Variants in CALN1 observed in about 807,000 individuals in gnomAD.
CALN1 encodes the protein calcium-binding protein 8.
CALN1 carries 17 observed loss-of-function variants against 30.6 expected under a neutral mutation model. That is an observed-to-expected ratio of 0.56 (90% CI 0.38 to 0.83). The LOEUF (loss-of-function observed/expected upper bound fraction) is 0.83. CALN1 is among the 40% of genes least tolerant of loss of function. CALN1 has a pLI of 0.00. For synonymous variants in CALN1, 156 were observed against 131.4 expected, an observed-to-expected ratio of 1.19 and a Z score of -1.28; for missense variants, 291 against 354.9, an observed-to-expected ratio of 0.82 and a Z score of 1.45.
intron 3 of CALN1, among the ~76,000 whole-genome samples, chr7:72,184,454 A>G (rs534004648): frequency 2.0e-4 from 30 of 152,348 alleles, no homozygotes; most frequent in African/African-American, 6.7e-4. Flanking sequence ...TTTTATGTGT[A>G]TAATTTATGA....
chr7:72,194,232 A>G (rs1214895346), intron 3 of CALN1, among the ~76,000 whole-genome samples: 6 of 152,216 alleles, frequency 3.9e-5, no homozygotes, highest in African/African-American at 1.4e-4. Context: ...TATGCCATTA[A>G]CCAAGGCTAA....
chr7:72,267,135 ACCT>A (rs1209425195), intron 3 of CALN1, among the ~76,000 whole-genome samples: 4 of 152,162 alleles, frequency 2.6e-5, no homozygotes, highest in African/African-American at 9.6e-5. Flanking sequence ...CCTCCTTCAA[ACCT>A]CCTCTTAGAA....
intron 5 of CALN1, among the ~76,000 whole-genome samples, chr7:71,979,524 C>A (rs1382846402): frequency 6.6e-6 from 1 of 152,094 alleles, no homozygotes; most frequent in Non-Finnish European, 1.5e-5. Flanking sequence ...GCTGATCTGG[C>A]AGGAGGCAGA....
chr7:72,214,639 T>C (rs763122030), intron 3 of CALN1, among the ~76,000 whole-genome samples: 9 of 151,290 alleles, frequency 5.9e-5, no homozygotes, highest in Non-Finnish European at 8.8e-5. Context: ...AAAAAATAGG[T>C]CTTCTACAAT....
intron 3 of CALN1, among the ~76,000 whole-genome samples, chr7:72,213,518 G>T (rs1207578179): frequency 1.3e-5 from 2 of 152,184 alleles, no homozygotes; most frequent in African/African-American, 4.8e-5. Flanking sequence ...TTGGATTTCG[G>T]TGAGGGATGC....
rs540919904 is a variant in CALN1 at position 72,325,819 on chromosome 7, C to T, written c.120-47009G>A. ...AAGGGAACGGATTGATGGCAACCCA[C>T]AAAACAGGCTTGAAAATGCAATAAC... is the stretch of plus-strand genomic sequence containing the variant. On this transcript the variant is annotated intron_variant, in intron 2 of 6. Transcript: ENST00000395275. Among the ~76,000 whole-genome samples the T allele has an allele frequency of 1.8e-4, 27 of 152,206 alleles. No homozygotes were observed. The East Asian group carries it at 5.2e-3, about 29-fold the overall frequency.
At chr7:72,047,722 A>G (rs1452531480) in intron 4 of CALN1, among the ~76,000 whole-genome samples, 3 of 152,202 alleles carry the variant, frequency 2.0e-5, no homozygotes, top group East Asian at 3.9e-4. Flanking sequence ...AACTCATGTC[A>G]ATAAATATTT....
intron 5 of CALN1, among the ~76,000 whole-genome samples, chr7:72,021,809 G>A (rs1800724623): frequency 6.6e-6 from 1 of 152,128 alleles, no homozygotes; most frequent in Non-Finnish European, 1.5e-5. Context: ...GATTTCAGCT[G>A]TGCATAGACT....
At chr7:71,891,809 TGGCTC>T (rs752107619) in intron 5 of CALN1, among the ~76,000 whole-genome samples, 282 of 152,300 alleles carry the variant, frequency 1.9e-3, no homozygotes, top group Non-Finnish European at 2.8e-3. Context: ...CTGGGCATGG[TGGCTC>T]ACGCCTGTAA....
Position 72,271,575 on chromosome 7 carries a change from A to AAAAAAAAAAAAAAATATATATATAT in CALN1, c.244+7110_244+7111insATATATATATATTTTTTTTTTTTTT. 3.2e-3 allele frequency among the ~76,000 whole-genome samples: 165 copies of AAAAAAAAAAAAAAATATATATATAT among 52,044 alleles called. 11 individuals are homozygous for AAAAAAAAAAAAAAATATATATATAT. Among genetic ancestry groups the AAAAAAAAAAAAAAATATATATATAT allele is most frequent in the African/African-American group, 0.018 (132 of 7,392 alleles). 34.1% of individuals were successfully genotyped at this position (52,044 alleles called of 152,430 possible). On this transcript the variant is annotated intron_variant, in intron 3 of 6. Coordinates refer to ENST00000395275, the MANE Select transcript of CALN1 (RefSeq NM_031468.4). ...CTGTGCCTGCCTTTTAAAAAAAAAA[A>AAAAAAAAAAAAAAATATATATATAT]ATATATATATATATATATAGTTTTC...
intron 3 of CALN1, among the ~76,000 whole-genome samples, chr7:72,220,559 G>A (rs1257734259): frequency 2.6e-5 from 4 of 152,144 alleles, no homozygotes; most frequent in Non-Finnish European, 5.9e-5. Flanking sequence ...TATATACCCA[G>A]TAATGGGATG....
intron 4 of CALN1, among the ~76,000 whole-genome samples, chr7:72,080,154 A>G (rs1227971845): frequency 6.6e-6 from 1 of 152,160 alleles, no homozygotes; most frequent in Non-Finnish European, 1.5e-5. Flanking sequence ...AACATGTCCT[A>G]TGAAATGCCA....
intron 3 of CALN1, among the ~76,000 whole-genome samples, chr7:72,124,565 T>C (rs531281519): frequency 2.6e-5 from 4 of 151,940 alleles, no homozygotes; most frequent in East Asian, 3.9e-4. Flanking sequence ...AGTGGGAGGA[T>C]TGCTTAAGCC....
chr7:71,993,307 T>TCACTTA (rs1219028660), intron 5 of CALN1, among the ~76,000 whole-genome samples: 6 of 152,118 alleles, frequency 3.9e-5, no homozygotes, highest in Non-Finnish European at 5.9e-5. Context: ...AAGTAAGTGC[T>TCACTTA]CACTTATTAT....
At chr7:72,339,922 G>C (rs1166454237) in intron 2 of CALN1, among the ~76,000 whole-genome samples, 3 of 152,208 alleles carry the variant, frequency 2.0e-5, no homozygotes, top group Non-Finnish European at 4.4e-5. Context: ...GTCAAGATGA[G>C]ATTTGGGTGG....
intron 4 of CALN1, among the ~76,000 whole-genome samples, chr7:72,079,787 T>G (rs1381087076): frequency 1.1e-4 from 12 of 108,812 alleles, no homozygotes; most frequent in East Asian, 4.4e-4. Flanking sequence ...TTTTTTTTTT[T>G]GGAGACAAGG....
At chr7:72,035,409 G>C (rs564790131) in intron 4 of CALN1, among the ~76,000 whole-genome samples, 1 of 152,086 alleles carries the variant, frequency 6.6e-6, no homozygotes, top group South Asian at 2.1e-4. Context: ...GTCCCTCAAG[G>C]TTCATCCATG....
chr7:72,274,146 A>T (rs1797187531), intron 3 of CALN1, among the ~76,000 whole-genome samples: 1 of 152,198 alleles, frequency 6.6e-6, no homozygotes, highest in African/African-American at 2.4e-5. Context: ...ATTTATATAC[A>T]GTGGAACATT....
rs1792618249 is a variant in CALN1 at position 72,214,347 on chromosome 7, G to A, written c.244+64339C>T. On this transcript the variant is annotated intron_variant, in intron 3 of 6. Transcript: ENST00000395275. ...ATATAAGAATTAGCTGGGTGTGGTG[G>A]CACACGCCTGTAGTCCTAGCTACTC... Among the ~76,000 whole-genome samples, 3 of 152,076 alleles carry A rather than the reference G, an allele frequency of 2.0e-5. 1 individual carries two copies. The highest frequency in any genetic ancestry group is 4.1e-4 in the South Asian group (2 of 4,826).
Sources: allele counts gnomAD v4.1 joint callset (sites outside exome capture counted in the v4.1 genomes callset), GRCh38; gene constraint gnomAD v4.1.1; transcripts MANE v1.5; gene names NCBI Gene and HGNC (gene_info 2026-07-23, HGNC 2026-07-21).